ITGA9: variants seen among roughly 807,000 people sequenced by gnomAD.
ITGA9 encodes the protein integrin subunit alpha 9.
A neutral mutation model predicts 127.8 loss-of-function variants in ITGA9; 56 were observed. That is an observed-to-expected ratio of 0.44 (90% CI 0.35 to 0.55). The LOEUF (loss-of-function observed/expected upper bound fraction) is 0.55, where lower values mean the gene tolerates loss of function less well. Ranked by LOEUF, ITGA9 falls within the 20% of genes least tolerant of loss-of-function variation. The pLI is 0.00. For missense variants in ITGA9, 1,196 were observed against 1,347.1 expected (o/e 0.89, Z 1.76); for synonymous variants, 508 against 514.5 (o/e 0.99, Z 0.17).
chr3:37,569,317 C>T (rs552484417), intron 15 of ITGA9, among the ~76,000 whole-genome samples: 1 of 152,286 alleles, frequency 6.6e-6, no homozygotes, highest in South Asian at 2.1e-4. Flanking sequence ...AGTTACCTCC[C>T]ACTGGGTCCT....
At chr3:37,501,881 A>G (rs1338724550) in intron 5 of ITGA9, among the ~76,000 whole-genome samples, 1 of 152,196 alleles carries the variant, frequency 6.6e-6, no homozygotes, top group Non-Finnish European at 1.5e-5. Flanking sequence ...GAAGAGCCTA[A>G]TGTGGTTGAA....
chr3:37,788,122 T>G (rs1391488561), intron 26 of ITGA9, among the ~76,000 whole-genome samples: 1 of 152,250 alleles, frequency 6.6e-6, no homozygotes, highest in Non-Finnish European at 1.5e-5. Context: ...TTTTCTGTTC[T>G]CAGCATTACT....
intron 3 of ITGA9, among the ~76,000 whole-genome samples, chr3:37,474,513 A>G (rs899442803): frequency 6.6e-6 from 1 of 151,732 alleles, no homozygotes; most frequent in African/African-American, 2.4e-5. Context: ...AGCACTTAAC[A>G]CACCCAGCTG....
At chr3:37,579,933 A>C (rs1223431642) in intron 15 of ITGA9, among the ~76,000 whole-genome samples, 1 of 152,210 alleles carries the variant, frequency 6.6e-6, no homozygotes, top group African/African-American at 2.4e-5. Context: ...TAAAAGGTTA[A>C]CTTCTTCCCA....
Position 37,736,928 on chromosome 3 carries a change from A to G in ITGA9, c.2179A>G (p.Thr727Ala). 6.2e-7 allele frequency: 1 copy of G among 1,613,716 alleles called. No individual in the cohort carries two copies. Among genetic ancestry groups the G allele is most frequent in the Non-Finnish European group, 8.5e-7 (1 of 1,179,556 alleles). ...SKYEFSVIFD[T>A]SHLSGEEEVL... is the part of the protein sequence containing the mutation. Reference sequence around the variant, plus strand: ...GTATGAATTCAGCGTGATCTTTGATACAAGCCACCTGTCTGGGGAAGAGGA... The same window carrying G: ...GTATGAATTCAGCGTGATCTTTGATGCAAGCCACCTGTCTGGGGAAGAGGA... Residue 727 changes from threonine (T) to alanine (A), a missense_variant, in exon 20 of 28, where the codon ACA becomes GCA. Physicochemically the swap from Thr to Ala is moderately conservative, Grantham distance 58. Transcript: ENST00000264741.
chr3:37,820,871 A>G lies in ITGA9; in HGVS notation c.*1882A>G, dbSNP rs960458408. The G allele has an allele frequency of 6.6e-6, 1 of 152,240 alleles. No individual in the cohort carries two copies. Among genetic ancestry groups the G allele is most frequent in the Non-Finnish European group, 1.5e-5 (1 of 68,040 alleles). 9.4% of individuals were successfully genotyped at this position (152,240 alleles called of 1,614,324 possible). ...AGCACCTTTTTTACTGGAAGCTAAC[A>G]CGTTGGGAGTCCGTGAACATTGTCA... On this transcript the variant is annotated 3_prime_UTR_variant, in exon 28 of 28. Coordinates refer to ENST00000264741, the MANE Select transcript of ITGA9 (RefSeq NM_002207.3).
At chr3:37,706,005 T>G (rs1490652307) in intron 18 of ITGA9, among the ~76,000 whole-genome samples, 1 of 152,214 alleles carries the variant, frequency 6.6e-6, no homozygotes, top group Non-Finnish European at 1.5e-5. Context: ...TGGTGGGGAC[T>G]TAAGGTTGGA....
intron 13 of ITGA9, 25 bp from the exon 14 acceptor site, chr3:37,533,289 G>A (rs765145541): frequency 1.9e-6 from 3 of 1,613,296 alleles, no homozygotes; most frequent in East Asian, 2.2e-5. Flanking sequence ...CCACGACTAA[G>A]TCACCTTCCT....
chr3:37,581,545 C>T (rs186733386), intron 15 of ITGA9, among the ~76,000 whole-genome samples: 9 of 152,230 alleles, frequency 5.9e-5, no homozygotes, highest in East Asian at 5.8e-4. Flanking sequence ...GGGACAGACC[C>T]GGTTCTATTT....
At chr3:37,490,840 T>G (rs1698662507) in intron 4 of ITGA9, among the ~76,000 whole-genome samples, 1 of 152,140 alleles carries the variant, frequency 6.6e-6, no homozygotes, top group Non-Finnish European at 1.5e-5. Context: ...AATTAAAGCA[T>G]GTAATGCAGG....
chr3:37,741,677 T>G lies in ITGA9; in HGVS notation c.2235-53T>G. ...CTAAAGTGGAACAGAGAAAGCCCACTGCTGGACAGCTAGTGTTGGCCAGCG... is the reference window on the plus strand; with the variant it reads ...CTAAAGTGGAACAGAGAAAGCCCACGGCTGGACAGCTAGTGTTGGCCAGCG... On this transcript the variant is annotated intron_variant, in intron 20 of 27. Transcript: ENST00000264741. 2.9e-6 allele frequency: 4 copies of G among 1,402,102 alleles called. No individual in the cohort carries two copies. In the Admixed American group the frequency reaches 7.1e-5, roughly 25 times the overall value. 86.9% of individuals were successfully genotyped at this position (1,402,102 alleles called of 1,614,324 possible).
At chr3:37,643,426 G>A (rs776677786) in intron 16 of ITGA9, among the ~76,000 whole-genome samples, 1 of 152,194 alleles carries the variant, frequency 6.6e-6, no homozygotes, top group Non-Finnish European at 1.5e-5. Context: ...GAAAGGAGAG[G>A]GGACTCATCA....
At chr3:37,491,052 C>A (rs1698667557) in intron 4 of ITGA9, among the ~76,000 whole-genome samples, 1 of 147,420 alleles carries the variant, frequency 6.8e-6, no homozygotes, top group South Asian at 2.2e-4. Context: ...TCGTGGCTCA[C>A]TGCAACCTCT....
intron 17 of ITGA9, among the ~76,000 whole-genome samples, chr3:37,663,651 A>G (rs1210397939): frequency 6.6e-6 from 1 of 152,242 alleles, no homozygotes; most frequent in African/African-American, 2.4e-5. Flanking sequence ...GGTTAGAATC[A>G]TCAACTGCAC....
chr3:37,647,020 T>C (rs954895372), intron 16 of ITGA9, among the ~76,000 whole-genome samples: 7 of 152,032 alleles, frequency 4.6e-5, no homozygotes. Context: ...AAATTGGCCA[T>C]TTGCCCAAAG....
intron 18 of ITGA9, among the ~76,000 whole-genome samples, chr3:37,695,854 A>G (rs1279362175): frequency 6.6e-6 from 1 of 152,242 alleles, no homozygotes. Context: ...AAAATAAGAA[A>G]TGGGCATTTC....
chr3:37,455,432 A>T (rs1698245392), intron 1 of ITGA9, among the ~76,000 whole-genome samples: 1 of 152,204 alleles, frequency 6.6e-6, no homozygotes, highest in African/African-American at 2.4e-5. Flanking sequence ...TACTTTAGAA[A>T]AATACATTAA....
At chr3:37,797,812 A>G (rs1261262939) in intron 26 of ITGA9, among the ~76,000 whole-genome samples, 1 of 151,672 alleles carries the variant, frequency 6.6e-6, no homozygotes. Flanking sequence ...TGCAGCCTTC[A>G]CATCCTAGAT....
At chr3:37,530,565 TGAAG>T (rs1187612233) in intron 13 of ITGA9, among the ~76,000 whole-genome samples, 29 of 151,856 alleles carry the variant, frequency 1.9e-4, no homozygotes, top group Admixed American at 1.3e-4. Flanking sequence ...GCACCAGGGG[TGAAG>T]GCTCTTTATC....
Sources: gnomAD v4.1 joint callset for allele counts (sites outside exome capture counted in the v4.1 genomes callset) on GRCh38, gnomAD v4.1.1 for gene constraint, MANE v1.5 for transcripts, NCBI Gene and HGNC (gene_info 2026-07-23, HGNC 2026-07-21) for gene names.